The following ZNF438 variants were observed in gnomAD, a reference collection of about 807,000 sequenced individuals.
ZNF438 encodes zinc finger protein 438.
Under a neutral mutation model 38.0 loss-of-function variants are expected in ZNF438, and 25 were observed. The observed-to-expected ratio is 0.66, with a 90% CI of 0.48 to 0.92. The LOEUF is 0.92. Ranked by LOEUF, ZNF438 falls within the 40% of genes least tolerant of loss-of-function variation. The pLI, the probability that ZNF438 is intolerant of heterozygous loss-of-function variation, is 0.00. For missense variants in ZNF438, 1,007 were observed against 999.6 expected (o/e 1.01, Z -0.10); for synonymous variants, 372 against 364.1 (o/e 1.02, Z -0.25).
At chr10:30,999,423 C>G (rs2054419858) in intron 1 of ZNF438, 1 of 152,580 alleles carries the variant, frequency 6.6e-6, no homozygotes, top group Admixed American at 6.5e-5. Context: ...CTTCTCCAAC[C>G]TGCAGGGCCT....
chr10:31,020,065 G>C (rs1049794064), intron 1 of ZNF438, among the ~76,000 whole-genome samples: 14 of 151,954 alleles, frequency 9.2e-5, no homozygotes, highest in Non-Finnish European at 1.8e-4. Context: ...CATATCACTA[G>C]GCAAATAAGA....
intron 1 of ZNF438, among the ~76,000 whole-genome samples, chr10:31,028,825 G>C (rs1291189578): frequency 2.0e-5 from 3 of 152,168 alleles, no homozygotes; most frequent in Non-Finnish European, 4.4e-5. Flanking sequence ...AGAAGTCAAA[G>C]AGACAGACCT....
intron 1 of ZNF438, among the ~76,000 whole-genome samples, chr10:31,007,277 T>G (rs1355033758): frequency 1.3e-5 from 1 of 78,868 alleles, no homozygotes; most frequent in African/African-American, 1.2e-4. Context: ...TTTTTTGGTG[T>G]TTTTTTTTTT....
intron 4 of ZNF438, chr10:30,875,330 C>A (rs2038244280): frequency 2.0e-6 from 2 of 985,252 alleles, no homozygotes; most frequent in African/African-American, 1.7e-5. Flanking sequence ...CATAGACTCA[C>A]CTTTTTAGAG....
At chr10:31,027,606 T>C (rs914213916) in intron 1 of ZNF438, among the ~76,000 whole-genome samples, 2 of 152,186 alleles carry the variant, frequency 1.3e-5, no homozygotes, top group African/African-American at 4.8e-5. Context: ...CTATTGACTA[T>C]GCAATTTTAC....
intron 4 of ZNF438, among the ~76,000 whole-genome samples, chr10:30,874,555 G>T (rs2038118205): frequency 6.6e-6 from 1 of 151,988 alleles, no homozygotes; most frequent in South Asian, 2.1e-4. Flanking sequence ...TTGAATGAAT[G>T]AATGAGTAAA....
At chr10:30,935,854 T>G (rs1047177978) in intron 2 of ZNF438, among the ~76,000 whole-genome samples, 2 of 152,058 alleles carry the variant, frequency 1.3e-5, no homozygotes, top group Admixed American at 1.3e-4. Context: ...CTCACTATCA[T>G]GAGAACAGCA....
At chr10:30,896,610 C>T (rs1030741586) in intron 3 of ZNF438, among the ~76,000 whole-genome samples, 1 of 151,750 alleles carries the variant, frequency 6.6e-6, no homozygotes, top group Middle Eastern at 3.2e-3. Context: ...TAATTAAATT[C>T]AAAGATAGAC....
chr10:30,938,810 T>TTTAC (rs2046524678), intron 2 of ZNF438, among the ~76,000 whole-genome samples: 2 of 131,760 alleles, frequency 1.5e-5, no homozygotes, highest in African/African-American at 5.5e-5. Flanking sequence ...TATTTATTTA[T>TTTAC]TTTGAGATGG....
chr10:30,883,898 A>T (rs2039604040), intron 3 of ZNF438, among the ~76,000 whole-genome samples: 1 of 152,144 alleles, frequency 6.6e-6, no homozygotes, highest in African/African-American at 2.4e-5. Flanking sequence ...TTCACTCCAA[A>T]AAAAAGTGTT....
intron 1 of ZNF438, among the ~76,000 whole-genome samples, chr10:30,982,099 C>CTTTTT (rs538801257): frequency 1.1e-5 from 1 of 90,822 alleles, no homozygotes; most frequent in African/African-American, 3.2e-5. Context: ...TTTTCTCTTT[C>CTTTTT]TTTTTTTTTT....
chr10:30,892,204 TA>T (rs781289492), intron 3 of ZNF438, among the ~76,000 whole-genome samples: 18 of 150,662 alleles, frequency 1.2e-4, no homozygotes, highest in Non-Finnish European at 2.4e-4. Context: ...AGTGGATGTC[TA>T]AAACTGTGGA....
intron 1 of ZNF438, among the ~76,000 whole-genome samples, chr10:30,947,271 T>G (rs1215010297): frequency 6.6e-6 from 1 of 152,216 alleles, no homozygotes; most frequent in Non-Finnish European, 1.5e-5. Flanking sequence ...GAACCTGCCC[T>G]TTTCTCTGGC....
chr10:30,996,288 A>G (rs1388184609), intron 1 of ZNF438, among the ~76,000 whole-genome samples: 3 of 152,114 alleles, frequency 2.0e-5, no homozygotes, highest in Non-Finnish European at 4.4e-5. Flanking sequence ...AAGCAATCTA[A>G]TCAAAAGAAA....
intron 4 of ZNF438, among the ~76,000 whole-genome samples, chr10:30,856,875 G>A (rs181320672): frequency 5.3e-4 from 80 of 152,306 alleles, no homozygotes; most frequent in African/African-American, 1.7e-3. Flanking sequence ...TTTGAAAAGT[G>A]ACATTTACAG....
chr10:31,009,628 C>A (rs2055473857), intron 1 of ZNF438, among the ~76,000 whole-genome samples: 2 of 152,128 alleles, frequency 1.3e-5, no homozygotes, highest in East Asian at 3.8e-4. Flanking sequence ...CCTGCAAAAC[C>A]CTCAACCTTA....
chr10:30,933,095 T>C (rs1297116257), intron 2 of ZNF438, among the ~76,000 whole-genome samples: 1 of 152,228 alleles, frequency 6.6e-6, no homozygotes, highest in Non-Finnish European at 1.5e-5. Context: ...GCTTATGTAG[T>C]CCTAGAAAAT....
At chr10:30,958,857 T>C (rs1223673598) in intron 1 of ZNF438, among the ~76,000 whole-genome samples, 2 of 147,514 alleles carry the variant, frequency 1.4e-5, no homozygotes, top group Admixed American at 6.8e-5. Flanking sequence ...CTATATTTTT[T>C]AGTTTCATCC....
intron 1 of ZNF438, among the ~76,000 whole-genome samples, chr10:30,945,206 A>G (rs2047247106): frequency 1.3e-5 from 2 of 151,964 alleles, no homozygotes; most frequent in Admixed American, 1.3e-4. Flanking sequence ...TGTTAGTATC[A>G]GGCTTACAGA....
Sources: allele counts gnomAD v4.1 joint callset (sites outside exome capture counted in the v4.1 genomes callset), GRCh38; gene constraint gnomAD v4.1.1; transcripts MANE v1.5; gene names NCBI Gene and HGNC (gene_info 2026-07-23, HGNC 2026-07-21).